The following CROT variants were observed in gnomAD, a reference collection of about 807,000 sequenced individuals.
CROT encodes the protein peroxisomal carnitine O-octanoyltransferase.
Under a neutral mutation model 89.2 loss-of-function variants are expected in CROT, and 84 were observed. The ratio of observed to expected loss-of-function variants is 0.94; its 90% confidence interval spans 0.79 to 1.13. CROT has a LOEUF of 1.13. CROT is among the 50% of genes most tolerant of loss of function. The pLI, the probability that CROT is intolerant of heterozygous loss-of-function variation, is 0.00. For missense variants in CROT, 711 were observed against 727.8 expected, an observed-to-expected ratio of 0.98 and a Z score of 0.27; for synonymous variants, 212 against 239.5, an observed-to-expected ratio of 0.89 and a Z score of 1.06.
intron 6 of CROT, among the ~76,000 whole-genome samples, chr7:87,367,151 C>T (rs1227665880): frequency 6.6e-6 from 1 of 152,150 alleles, no homozygotes; most frequent in African/African-American, 2.4e-5. Context: ...GTCAGTTGAC[C>T]TTGAAATGGG....
At chr7:87,376,005 T>G in intron 9 of CROT, 52 bp downstream of exon 9, 2 of 1,491,326 alleles carry the variant, frequency 1.3e-6, no homozygotes, top group Non-Finnish European at 1.8e-6. Context: ...TCTGGAAGAC[T>G]CATATTTATT....
chr7:87,390,695 A>T (rs964898611), intron 13 of CROT, among the ~76,000 whole-genome samples: 1 of 152,214 alleles, frequency 6.6e-6, no homozygotes, highest in Admixed American at 6.5e-5. Context: ...CCAGGAAAAC[A>T]GATATCACCC....
intron 13 of CROT, among the ~76,000 whole-genome samples, chr7:87,389,819 T>G (rs1439938566): frequency 1.4e-5 from 1 of 71,466 alleles, no homozygotes; most frequent in African/African-American, 3.1e-5. Context: ...TTAAATCCAG[T>G]TTTTGTTGTT....
intron 10 of CROT, 94 bp downstream of exon 10, chr7:87,377,544 G>A (rs926307964): frequency 7.9e-5 from 56 of 710,792 alleles, no homozygotes; most frequent in Non-Finnish European, 1.3e-4. Flanking sequence ...CAGTGTAAGT[G>A]AATAGTAATT....
chr7:87,357,587 C>A, intron 3 of CROT: 1 of 1,174,432 alleles, frequency 8.5e-7, no homozygotes. Flanking sequence ...GGAAGGAATT[C>A]AAGGTGAGTT....
intron 3 of CROT, among the ~76,000 whole-genome samples, chr7:87,356,363 C>T (rs1162945735): frequency 6.6e-6 from 1 of 151,958 alleles, no homozygotes; most frequent in Non-Finnish European, 1.5e-5. Flanking sequence ...TTTGTTTTGC[C>T]TTTTCACATT....
chr7:87,396,031 C>T lies in CROT; in HGVS notation c.1719-2493C>T, dbSNP rs147864846. 1.2e-4 allele frequency among the ~76,000 whole-genome samples: 18 copies of T among 152,216 alleles called. No homozygotes were observed. In the East Asian group the frequency reaches 2.9e-3, roughly 25 times the overall value. On this transcript the variant is annotated intron_variant, in intron 17 of 17. Transcript: ENST00000331536. Reference sequence around the variant, plus strand: ...AAATTTCTACTAGAGAAAACTATGTCCAGATGTACATGATTTCACAGGATT... The same window carrying T: ...AAATTTCTACTAGAGAAAACTATGTTCAGATGTACATGATTTCACAGGATT...
chr7:87,355,584 G>A (rs1806038207), intron 3 of CROT, among the ~76,000 whole-genome samples: 1 of 152,064 alleles, frequency 6.6e-6, no homozygotes, highest in Admixed American at 6.5e-5. Context: ...CCCAAAGAAT[G>A]AAAATCATCA....
intron 6 of CROT, among the ~76,000 whole-genome samples, chr7:87,365,151 T>G (rs1266531154): frequency 1.3e-5 from 2 of 152,104 alleles, no homozygotes; most frequent in Non-Finnish European, 2.9e-5. Context: ...TTAAAGTTTT[T>G]GTAAGGGAGA....
rs143648232 is a variant in CROT, at chr7:87,381,531, T to A, written c.979-379T>A. Among the ~76,000 whole-genome samples, 166 of 152,312 alleles carry A rather than the reference T, an allele frequency of 1.1e-3. 2 individuals are homozygous for A. The East Asian group carries it at 0.025, about 23-fold the overall frequency. ...GCTTTCAGATAGGTTGCCATCCCCATCTGCTTTTCCACCCTGTTCTTACAA... is the reference window on the plus strand; with the variant it reads ...GCTTTCAGATAGGTTGCCATCCCCAACTGCTTTTCCACCCTGTTCTTACAA... On this transcript the variant is annotated intron_variant, in intron 10 of 17. Transcript: ENST00000331536.
chr7:87,380,700 G>T (rs1259063001), intron 10 of CROT, among the ~76,000 whole-genome samples: 2 of 152,152 alleles, frequency 1.3e-5, no homozygotes, highest in Non-Finnish European at 2.9e-5. Flanking sequence ...CTTTCCATTA[G>T]GAGATGGGTG....
chr7:87,369,805 C>T (rs1806571588), intron 7 of CROT: 1 of 149,146 alleles, frequency 6.7e-6, no homozygotes, highest in South Asian at 2.1e-4. Flanking sequence ...TACATGTATA[C>T]CTAGCTTAAA....
chr7:87,349,135 C>T lies in CROT; in HGVS notation c.67C>T (p.Leu23=), dbSNP rs955405514. Residue 23 remains leucine (L), a synonymous_variant, in exon 3 of 18, where the codon CTG becomes TTG. Transcript: ENST00000331536. ...TCAGTACCAGGATTCTCTTCCATCACTGCCTGTTCCTTCACTTGAAGAATC... is the reference window on the plus strand; with the variant it reads ...TCAGTACCAGGATTCTCTTCCATCATTGCCTGTTCCTTCACTTGAAGAATC... ...TFQYQDSLPS[L]PVPSLEESLK... 2 of 1,606,050 alleles carry T rather than the reference C, an allele frequency of 1.2e-6. No homozygotes were observed. The highest frequency in any genetic ancestry group is 8.5e-7 in the Non-Finnish European group (1 of 1,174,830).
Position 87,382,073 on chromosome 7 carries a change from G to A in CROT, c.1063-1G>A. 6.2e-7 allele frequency: 1 copy of A among 1,604,756 alleles called. No individual in the cohort carries two copies. Among genetic ancestry groups the A allele is most frequent in the Non-Finnish European group, 8.5e-7 (1 of 1,174,388 alleles). On this transcript the variant is annotated splice_acceptor_variant, in intron 11 of 17. Transcript: ENST00000331536. LOFTEE classifies it high-confidence loss of function. Reference sequence around the variant, plus strand: ...TATTTTTAAGTCTTCCCTATTTTCAGGGTTCAGAGAAGGTACGAGATATAC... The same window carrying A: ...TATTTTTAAGTCTTCCCTATTTTCAAGGTTCAGAGAAGGTACGAGATATAC...
rs1169242318 is a variant in CROT at position 87,392,997 on chromosome 7, C to T, written c.1648C>T (p.Arg550Ter). Residue 550 changes from arginine (R) to a stop codon, truncating the protein, a stop_gained, in exon 17 of 18, where the codon CGA becomes TGA. Coordinates refer to ENST00000331536, the MANE Select transcript of CROT (RefSeq NM_021151.4). LOFTEE classifies it high-confidence loss of function. ...VLSTSLVGYL[R>*]VQGVVVPMVH... ...CTCAACAAGTCTGGTTGGCTATTTACGAGTCCAGGGAGTGGTAGTTCCCAT... is the reference window on the plus strand; with the variant it reads ...CTCAACAAGTCTGGTTGGCTATTTATGAGTCCAGGGAGTGGTAGTTCCCAT... 1.9e-5 allele frequency: 30 copies of T among 1,613,464 alleles called. No individual in the cohort carries two copies. Among genetic ancestry groups the T allele is most frequent in the Non-Finnish European group, 2.4e-5 (28 of 1,179,658 alleles).
intron 3 of CROT, among the ~76,000 whole-genome samples, chr7:87,357,819 A>AT (rs1310170900): frequency 1.3e-5 from 2 of 152,234 alleles, no homozygotes; most frequent in Non-Finnish European, 2.9e-5. Flanking sequence ...TATCCTTGAC[A>AT]TTTTAGTGTG....
In CROT at chr7:87,357,936, G is replaced by A. The variant is rs7801409; in HGVS notation, c.116-1270G>A. Among the ~76,000 whole-genome samples the A allele has an allele frequency of 7.3e-3, 1,117 of 152,232 alleles. 13 individuals carry two copies. The highest frequency in any genetic ancestry group is 0.025 in the African/African-American group (1,049 of 41,556). On this transcript the variant is annotated intron_variant, in intron 3 of 17. Coordinates refer to ENST00000331536, the MANE Select transcript of CROT (RefSeq NM_021151.4). ...TAGGAGTGTGTCCTTGTAGGTATCT[G>A]TAGGCTGTTCACTCAACTGTAAATA...
chr7:87,388,470 C>T (rs928583563), intron 13 of CROT, among the ~76,000 whole-genome samples: 1 of 152,096 alleles, frequency 6.6e-6, no homozygotes, highest in African/African-American at 2.4e-5. Flanking sequence ...GAAATAACAC[C>T]ACACATCTAC....
At chr7:87,369,335 A>T in intron 6 of CROT, 41 bp from the exon 7 acceptor site, 1 of 1,401,972 alleles carries the variant, frequency 7.1e-7, no homozygotes, top group Non-Finnish European at 1.0e-6. Flanking sequence ...CTCCTGTTTA[A>T]CCTTAGATTT....
Sources: allele counts gnomAD v4.1 joint callset (sites outside exome capture counted in the v4.1 genomes callset), GRCh38; gene constraint gnomAD v4.1.1; transcripts MANE v1.5; gene names NCBI Gene and HGNC (gene_info 2026-07-23, HGNC 2026-07-21).